Variants in ADGRD1 observed in about 807,000 individuals in gnomAD.
The protein encoded by ADGRD1 is adhesion G protein-coupled receptor D1.
ADGRD1 carries 77 observed loss-of-function variants against 113.4 expected under a neutral mutation model. The observed-to-expected ratio is 0.68, with a 90% CI of 0.57 to 0.82. ADGRD1 has a LOEUF of 0.82. Ranked by LOEUF, ADGRD1 falls within the 40% of genes least tolerant of loss-of-function variation. The pLI is 0.00. For synonymous variants in ADGRD1, 474 were observed against 475.0 expected, an observed-to-expected ratio of 1.00 and a Z score of 0.03; for missense variants, 1,036 against 1,139.1, an observed-to-expected ratio of 0.91 and a Z score of 1.30.
Position 131,084,173 on chromosome 12 carries a change from C to T in ADGRD1, c.1548-367C>T, listed in dbSNP as rs531241620. 7.9e-5 allele frequency among the ~76,000 whole-genome samples: 12 copies of T among 152,338 alleles called. No individual in the cohort carries two copies. The highest frequency in any genetic ancestry group is 2.2e-4 in the African/African-American group (9 of 41,578). On this transcript the variant is annotated intron_variant, in intron 14 of 24. Transcript: ENST00000261654. The surrounding 1 kb of genome is among the most constrained non-coding windows in gnomAD (Gnocchi z 4.5). Reference sequence around the variant, plus strand: ...GACTGGGCTTGAATGTGGTCCCTGGCGTGTGCCGCTGCCCGTTCTCTAGGC... The same window carrying T: ...GACTGGGCTTGAATGTGGTCCCTGGTGTGTGCCGCTGCCCGTTCTCTAGGC...
rs113141446 is a variant in ADGRD1, at chr12:130,971,228, A to C, written c.188-230A>C. 6,263 of 212,448 alleles carry C rather than the reference A, an allele frequency of 0.029. 199 individuals carry two copies. The highest frequency in any genetic ancestry group is 0.097 in the Middle Eastern group (54 of 554). The allele number at this position is 212,448 out of a possible 1,614,324, so 13.2% of individuals were successfully genotyped here. ...ATATACAAATACATTAATATCATTT[A>C]ATATTAAATTTTTATCTGACATACA... On this transcript the variant is annotated intron_variant, in intron 3 of 24. Transcript: ENST00000261654. The surrounding 1 kb of genome is among the most constrained non-coding windows in gnomAD (Gnocchi z 4.2).
At chr12:131,033,764 G>A (rs745771963) in intron 13 of ADGRD1, among the ~76,000 whole-genome samples, 6 of 152,206 alleles carry the variant, frequency 3.9e-5, no homozygotes, top group African/African-American at 1.4e-4. Context: ...CTGCACAGCC[G>A]TGTGTCCTCT....
intron 6 of ADGRD1, chr12:130,989,868 A>G (rs1874157636): frequency 1.3e-5 from 2 of 152,352 alleles, no homozygotes; most frequent in Non-Finnish European, 2.9e-5. Flanking sequence ...TGGAATGGAC[A>G]GCAGCTCTTT....
intron 13 of ADGRD1, among the ~76,000 whole-genome samples, chr12:131,039,582 G>A (rs942934328): frequency 2.6e-5 from 4 of 152,278 alleles, no homozygotes; most frequent in African/African-American, 9.6e-5. Flanking sequence ...CTGGCTGTGT[G>A]GACTCTGAGG....
chr12:131,048,191 G>T (rs1883031015), intron 13 of ADGRD1, among the ~76,000 whole-genome samples: 1 of 152,232 alleles, frequency 6.6e-6, no homozygotes. Flanking sequence ...ACAGTGTGCT[G>T]AGTGGAAGGC....
Position 131,139,256 on chromosome 12 carries a change from C to A in ADGRD1, c.2618C>A (p.Ala873Asp). The change falls in exon 25 of 25, where the codon GCC (alanine) becomes GAC (aspartate). Residue 873 changes from alanine to aspartate, a missense_variant. Physicochemically the swap from Ala to Asp is moderately radical, Grantham distance 126 (BLOSUM62 -2). Coordinates refer to ENST00000261654, the MANE Select transcript of ADGRD1 (RefSeq NM_198827.5). ...TCTGCCCACCGCGTCGACCTGTCAG[C>A]CGTGTGAGCCGGGAGGCTGCCAACC... The part of the protein sequence containing the change: ...SHSAHRVDLS[A>D]V The A allele has an allele frequency of 6.2e-7, 1 of 1,611,012 alleles. No homozygotes were observed. The highest frequency in any genetic ancestry group is 8.5e-7 in the Non-Finnish European group (1 of 1,178,640).
chr12:131,008,141 A>T (rs1211381979), intron 12 of ADGRD1, among the ~76,000 whole-genome samples: 1 of 152,244 alleles, frequency 6.6e-6, no homozygotes, highest in Non-Finnish European at 1.5e-5. Context: ...TTAATGGTGT[A>T]AGTAGGGCTT....
At position 131,084,703 on chromosome 12, in the gene ADGRD1, G is replaced by A. The variant is rs779839279; in HGVS notation, c.1671+40G>A. ...TCAGGGGTCGCGGGACCTGGGGGACGTACCATGAGGCTGCAGGTGGGGGCG... is the reference window on the plus strand; with the variant it reads ...TCAGGGGTCGCGGGACCTGGGGGACATACCATGAGGCTGCAGGTGGGGGCG... On this transcript the variant is annotated intron_variant, in intron 15 of 24. Transcript: ENST00000261654. The surrounding 1 kb of genome is among the most constrained non-coding windows in gnomAD (Gnocchi z 4.5). 1.3e-5 allele frequency: 21 copies of A among 1,607,786 alleles called. No homozygotes were observed. The highest frequency in any genetic ancestry group is 3.4e-5 in the Admixed American group (2 of 59,464).
At chr12:131,115,589 AG>A (rs1950446025) in intron 18 of ADGRD1, among the ~76,000 whole-genome samples, 1 of 152,086 alleles carries the variant, frequency 6.6e-6, no homozygotes, top group African/African-American at 2.4e-5. Context: ...CCTCAATCTT[AG>A]GGGGCAGATG....
At position 131,139,932 on chromosome 12, in the gene ADGRD1, C is replaced by T. The variant is rs1382388345; in HGVS notation, c.*669C>T. 1 of 152,386 alleles carries T rather than the reference C, an allele frequency of 6.6e-6. No homozygotes were observed. Among genetic ancestry groups the T allele is most frequent in the Non-Finnish European group, 1.5e-5 (1 of 68,176 alleles). 9.4% of individuals were successfully genotyped at this position (152,386 alleles called of 1,614,324 possible). A position where few individuals can be genotyped will look rare whatever the true frequency, so the allele number is the denominator to read the frequency against. ...CGTTGACTCTCCAGGTGAGGGCGAC[C>T]CCTCTGCCCTGTCCTTGGGGGGGTC... On this transcript the variant is annotated 3_prime_UTR_variant, in exon 25 of 25. Coordinates refer to ENST00000261654, the MANE Select transcript of ADGRD1 (RefSeq NM_198827.5).
intron 18 of ADGRD1, among the ~76,000 whole-genome samples, chr12:131,116,312 G>A (rs549420755): frequency 6.6e-6 from 1 of 152,328 alleles, no homozygotes; most frequent in Admixed American, 6.5e-5. Flanking sequence ...CCAACTGTGC[G>A]CCTCTTCCAC....
At chr12:131,004,135 C>T (rs919525585) in intron 10 of ADGRD1, 51 bp from the exon 11 acceptor site, 19 of 1,163,270 alleles carry the variant, frequency 1.6e-5, no homozygotes, top group Non-Finnish European at 2.3e-5. Context: ...TGATTTCCTG[C>T]AGCCTGTGAG....
At position 131,000,331 on chromosome 12, in the gene ADGRD1, A is replaced by G. The variant is rs1876198133; in HGVS notation, c.967-52A>G. ...ATGCGGGGAAAACTGAAGGTCTTCA[A>G]GTTTGTTGCCTAAGGACAGGTGCTG... On this transcript the variant is annotated intron_variant, in intron 8 of 24. Coordinates refer to ENST00000261654, the MANE Select transcript of ADGRD1 (RefSeq NM_198827.5). The G allele has an allele frequency of 7.6e-6, 11 of 1,440,648 alleles. No homozygotes were observed. In the South Asian group the frequency reaches 1.1e-4, roughly 15 times the overall value. The allele number at this position is 1,440,648 out of a possible 1,614,324, so 89.2% of individuals were successfully genotyped here. A position where few individuals can be genotyped will look rare whatever the true frequency, so the allele number is the denominator to read the frequency against.
chr12:131,105,630 TGACAGCAACCCCTCTGGC>T, intron 16 of ADGRD1, 106 bp from the exon 17 acceptor site: 5 of 677,700 alleles, frequency 7.4e-6, no homozygotes, highest in Non-Finnish European at 1.0e-5. Context: ...CAGCAGGGAG[TGACAGCAACCCCTCTGGC>T]TGCTCTTGGA....
intron 14 of ADGRD1, 101 bp downstream of exon 14, chr12:131,076,975 C>T: frequency 1.0e-6 from 1 of 962,830 alleles, no homozygotes; most frequent in South Asian, 1.3e-5. Flanking sequence ...ATTTCTGCAG[C>T]TGACATGGTT....
chr12:131,051,195 C>T (rs977192778), intron 13 of ADGRD1, among the ~76,000 whole-genome samples: 3 of 152,228 alleles, frequency 2.0e-5, no homozygotes, highest in Non-Finnish European at 2.9e-5. Context: ...CACAAAGTCT[C>T]GCCCATGTCC....
At chr12:130,959,659 CA>C (rs1213562071) in intron 2 of ADGRD1, among the ~76,000 whole-genome samples, 8 of 152,162 alleles carry the variant, frequency 5.3e-5, no homozygotes, top group African/African-American at 1.7e-4. Flanking sequence ...TAAAGCTAGC[CA>C]ACCAGCATGC....
intron 14 of ADGRD1, among the ~76,000 whole-genome samples, chr12:131,082,388 T>A (rs909443304): frequency 6.6e-6 from 1 of 152,170 alleles, no homozygotes; most frequent in Non-Finnish European, 1.5e-5. Context: ...TTTCGCTGAG[T>A]CCCTGGGAAG....
intron 13 of ADGRD1, among the ~76,000 whole-genome samples, chr12:131,039,258 G>A (rs937199025): frequency 6.6e-6 from 1 of 151,514 alleles, no homozygotes; most frequent in East Asian, 1.9e-4. Flanking sequence ...GAGCCGGGAC[G>A]GTGCGGAGAG....
Sources: allele counts gnomAD v4.1 joint callset (sites outside exome capture counted in the v4.1 genomes callset), GRCh38; gene constraint gnomAD v4.1.1; non-coding constraint Gnocchi (gnomAD v3.1); transcripts MANE v1.5; gene names NCBI Gene and HGNC (gene_info 2026-07-23, HGNC 2026-07-21).